Variants in CIC observed in about 807,000 individuals in gnomAD.
CIC encodes capicua transcriptional repressor, also known as protein capicua homolog.
CIC carries 18 observed loss-of-function variants against 115.7 expected under a neutral mutation model. The ratio of observed to expected loss-of-function variants is 0.16; its 90% CI spans 0.11 to 0.23. The LOEUF is 0.23. Among genes scored for constraint, CIC ranks in the 10% least tolerant of loss-of-function variants. CIC has a pLI of 1.00. For synonymous variants in CIC, 1,076 were observed against 923.0 expected (o/e 1.17, Z -3.01); for missense variants, 2,000 against 2,159.3 (o/e 0.93, Z 1.46).
chr19:42,293,571 C>T (rs1197914107), intron 16 of CIC, 21 bp from the exon 17 acceptor site: 1 of 1,613,752 alleles, frequency 6.2e-7, no homozygotes, highest in Non-Finnish European at 8.5e-7. Flanking sequence ...TTCGCCATCT[C>T]CCTGCCCATC....
At chr19:42,284,313 A>G (rs1176000844) in intron 2 of CIC, 3 of 144,088 alleles carry the variant, frequency 2.1e-5, no homozygotes, top group Non-Finnish European at 4.6e-5. Flanking sequence ...GCCCCCGCGC[A>G]CGCGCGTCGC....
At position 42,290,598 on chromosome 19, in the gene CIC, G is replaced by A. The variant is rs767820245; in HGVS notation, c.4557G>A (p.Glu1519=). The A allele has an allele frequency of 1.9e-6, 3 of 1,613,772 alleles. No homozygotes were observed. The highest frequency in any genetic ancestry group is 1.7e-5 in the Admixed American group (1 of 60,030). The change falls in exon 11 of 21, where the codon GAG becomes GAA. Residue 1519 remains glutamate, a synonymous_variant. Coordinates refer to ENST00000681038, the MANE Select transcript of CIC (RefSeq NM_001386298.1). ...RKRPESVGGL[E]PPGPSVIAAP... is the part of the protein sequence containing the mutation. ...GACCCGAAAGTGTGGGTGGCCTGGA[G>A]CCACCAGGCCCCTCAGTCATCGCGG...
At chr19:42,284,819 T>A in intron 2 of CIC, 2 of 1,471,192 alleles carry the variant, frequency 1.4e-6, no homozygotes, top group Non-Finnish European at 1.8e-6. Flanking sequence ...GGTGTCGGGG[T>A]GCTAAGTGCG....
Position 42,295,243 on chromosome 19 carries a change from A to G in CIC, c.*52A>G, listed in dbSNP as rs2038437222. The G allele has an allele frequency of 2.0e-6, 3 of 1,488,020 alleles. No homozygotes were observed. The East Asian group carries it at 7.4e-5, about 37-fold the overall frequency. 92.2% of individuals were successfully genotyped at this position (1,488,020 alleles called of 1,614,324 possible). A position where few individuals can be genotyped will look rare whatever the true frequency, so the allele number is the denominator to read the frequency against. On this transcript the variant is annotated 3_prime_UTR_variant, in exon 21 of 21. Coordinates refer to ENST00000681038, the MANE Select transcript of CIC (RefSeq NM_001386298.1). ...TATAGTACCCCCTCAGGACATGGAC[A>G]GTATGTGGGGGCAGGAAGGTTATCT... is the stretch of plus-strand genomic sequence containing the variant.
chr19:42,289,992 C>T, intron 10 of CIC, 41 bp downstream of exon 10: 1 of 1,515,376 alleles, frequency 6.6e-7, no homozygotes, highest in Non-Finnish European at 9.1e-7. Flanking sequence ...CACACTCCCT[C>T]CTAAGCCATG....
intron 13 of CIC, 32 bp from the exon 14 acceptor site, chr19:42,292,268 C>T (rs754215065): frequency 7.4e-6 from 12 of 1,613,654 alleles, no homozygotes; most frequent in South Asian, 1.1e-5. Context: ...GCCGGCTTAC[C>T]TCACTCCTCC....
In CIC at chr19:42,288,887, GTGTCCTCTGAGCTCC is replaced by G. The variant is rs753991018; in HGVS notation, c.3664_3678del (p.Ser1222_Ser1226del). 8.7e-6 allele frequency: 14 copies of G among 1,613,930 alleles called. No individual in the cohort carries two copies. The highest frequency in any genetic ancestry group is 1.1e-5 in the Non-Finnish European group (13 of 1,179,978). ...TCATAGCGCCACTCTCTACTTTACA[GTGTCCTCTGAGCTCC>G]TGTCCGTTGCAGCCCAGACACTCCT... On this transcript the variant is annotated inframe_deletion and splice_region_variant, in exon 8 of 21. Transcript: ENST00000681038.
At chr19:42,275,088 G>A (rs1371217663) in intron 2 of CIC, among the ~76,000 whole-genome samples, 2 of 152,188 alleles carry the variant, frequency 1.3e-5, no homozygotes, top group Non-Finnish European at 2.9e-5. Context: ...TTCTTTAGAG[G>A]AAACTAAGGC....
chr19:42,284,541 C>T (rs2037467526), intron 2 of CIC: 1 of 199,588 alleles, frequency 5.0e-6, no homozygotes, highest in Admixed American at 6.5e-5. Context: ...CAGAGACCCC[C>T]GCGTGGGGCG....
At position 42,272,611 on chromosome 19, in the gene CIC, C is replaced by T. The variant is rs972143117; in HGVS notation, c.828C>T (p.Pro276=). 1.8e-5 allele frequency: 7 copies of T among 398,518 alleles called. No individual in the cohort carries two copies. The highest frequency in any genetic ancestry group is 7.1e-5 in the East Asian group (2 of 28,084). The allele number at this position is 398,518 out of a possible 1,614,324, so 24.7% of individuals were successfully genotyped here. ...CAGCTGTCTGTACCTGTGTGGAGCC[C>T]GGCGTGGCTGCCTACCGGGAAGGTG... ...VGTAVCTCVE[P]GVAAYREGVV... is the part of the protein sequence containing the mutation. Residue 276 remains proline, a synonymous_variant, in exon 2 of 21, where the codon CCC becomes CCT. Transcript: ENST00000681038.
intron 16 of CIC, 118 bp from the exon 17 acceptor site, chr19:42,293,474 G>T (rs903623939): frequency 7.1e-6 from 11 of 1,540,978 alleles, no homozygotes; most frequent in Non-Finnish European, 9.7e-6. Flanking sequence ...TCCTGAGGCC[G>T]TGTGACAGCC....
chr19:42,278,917 G>C (rs180830040), intron 2 of CIC, among the ~76,000 whole-genome samples: 13 of 152,230 alleles, frequency 8.5e-5, no homozygotes, highest in African/African-American at 3.1e-4. Context: ...GCAGGAAAGC[G>C]GGGGCTGTAT....
In CIC at chr19:42,291,325, C is replaced by G. The variant is rs759685991; in HGVS notation, c.5284C>G (p.Pro1762Ala). ...APAPGTKAAA[P>A]SGPAPTTSIR... ...AGCCCCTGGGACCAAGGCAGCGGCT[C>G]CCAGCGGCCCTGCACCCACCACCAG... Residue 1762 changes from proline (P) to alanine (A), a missense_variant, in exon 11 of 21, where the codon CCC becomes GCC. Pro to Ala is a conservative substitution (Grantham distance 27, BLOSUM62 -1). Around this residue, in one of 8 missense-constraint regions of CIC, gnomAD observed 1,466 missense variants for 1,390.4 expected, o/e 1.05. Coordinates refer to ENST00000681038, the MANE Select transcript of CIC (RefSeq NM_001386298.1). The G allele has an allele frequency of 5.0e-6, 8 of 1,612,774 alleles. No individual in the cohort carries two copies. The highest frequency in any genetic ancestry group is 6.8e-6 in the Non-Finnish European group (8 of 1,179,932).
At chr19:42,283,994 G>A (rs992644987) in intron 2 of CIC, 2 of 149,414 alleles carry the variant, frequency 1.3e-5, no homozygotes, top group Admixed American at 6.6e-5. Context: ...TGCGCGGAAG[G>A]CCGCGGGGGA....
Position 42,293,103 on chromosome 19 carries a change from AGCCTCTGGAGCCTG to A in CIC, c.6348_6361del (p.Leu2117SerfsTer10). 1 of 1,609,468 alleles carries A rather than the reference AGCCTCTGGAGCCTG, an allele frequency of 6.2e-7. No individual in the cohort carries two copies. The highest frequency in any genetic ancestry group is 8.5e-7 in the Non-Finnish European group (1 of 1,178,596). Reference sequence around the variant, plus strand: ...GGGCGGCCTGGCCCTGCACCCCGGCAGCCTCTGGAGCCTGGCCCAGTCCGAGAGCCAACTGCCCC... The same window carrying A: ...GGGCGGCCTGGCCCTGCACCCCGGCAGCCCAGTCCGAGAGCCAACTGCCCC... On this transcript the variant is annotated frameshift_variant, in exon 16 of 21. Coordinates refer to ENST00000681038, the MANE Select transcript of CIC (RefSeq NM_001386298.1). LOFTEE classifies it high-confidence loss of function.
intron 1 of CIC, among the ~76,000 whole-genome samples, chr19:42,269,694 G>A (rs2036695769): frequency 6.6e-6 from 1 of 150,434 alleles, no homozygotes; most frequent in African/African-American, 2.5e-5. Flanking sequence ...TGACAGGTCC[G>A]GAGATGGCTG....
chr19:42,293,623 G>T lies in CIC; in HGVS notation c.6554G>T (p.Trp2185Leu). Residue 2185 changes from tryptophan (W) to leucine (L), a missense_variant, in exon 17 of 21, where the codon TGG becomes TTG. By Grantham distance (61) the Trp-to-Leu change is moderately conservative (BLOSUM62 -2). This residue lies in a region of CIC where 1,466 missense variants were observed against 1,390.4 expected (regional missense o/e 1.05). Transcript: ENST00000681038. ...ASKFPSSSSD[W>L]RVPGQGLENR... Reference sequence around the variant, plus strand: ...AAATTCCCCAGCTCATCTTCAGACTGGCGCGTCCCTGGGCAGGGCCTGGAG... The same window carrying T: ...AAATTCCCCAGCTCATCTTCAGACTTGCGCGTCCCTGGGCAGGGCCTGGAG... The T allele has an allele frequency of 6.2e-7, 1 of 1,613,666 alleles. No individual in the cohort carries two copies. The highest frequency in any genetic ancestry group is 8.5e-7 in the Non-Finnish European group (1 of 1,180,002).
chr19:42,288,856 T>C, intron 7 of CIC, 32 bp from the exon 8 acceptor site: 1 of 1,592,684 alleles, frequency 6.3e-7, no homozygotes, highest in Non-Finnish European at 8.6e-7. Flanking sequence ...ACAGGCTTAC[T>C]GACTGTCATA....
chr19:42,281,467 G>C (rs2037247057), intron 2 of CIC, among the ~76,000 whole-genome samples: 1 of 152,182 alleles, frequency 6.6e-6, no homozygotes, highest in Non-Finnish European at 1.5e-5. Context: ...CTGTTTAGGG[G>C]CAGTCCTTCT....
Sources: allele counts gnomAD v4.1 joint callset (sites outside exome capture counted in the v4.1 genomes callset), GRCh38; gene constraint gnomAD v4.1.1; regional missense constraint gnomAD v4.1.1; transcripts MANE v1.5; gene names NCBI Gene and HGNC (gene_info 2026-07-23, HGNC 2026-07-21).